The following CEP164 variants were observed in gnomAD, a reference collection of about 807,000 sequenced individuals.
CEP164 encodes the protein centrosomal protein 164, also known as centrosomal protein of 164 kDa.
CEP164 carries 162 observed loss-of-function variants against 182.7 expected under a neutral mutation model. The observed-to-expected ratio is 0.89, with a 90% CI of 0.78 to 1.01. The LOEUF (loss-of-function observed/expected upper bound fraction) is 1.01, where lower values mean the gene tolerates loss of function less well. Among genes scored for constraint, CEP164 ranks in the 50% least tolerant of loss-of-function variants. The pLI, the probability that CEP164 is intolerant of heterozygous loss-of-function variation, is 0.00. For missense variants in CEP164, 1,735 were observed against 1,790.4 expected, an observed-to-expected ratio of 0.97 and a Z score of 0.56; for synonymous variants, 661 against 690.0, an observed-to-expected ratio of 0.96 and a Z score of 0.66.
At chr11:117,373,090 C>T (rs1255932772) in intron 9 of CEP164, among the ~76,000 whole-genome samples, 2 of 152,100 alleles carry the variant, frequency 1.3e-5, no homozygotes, top group Non-Finnish European at 2.9e-5. Flanking sequence ...TTTTATCGGC[C>T]GGGCACGGTG....
At position 117,394,618 on chromosome 11, in the gene CEP164, T is replaced by C. The variant is rs2045190727; in HGVS notation, c.2760+125T>C. 16 of 1,295,402 alleles carry C rather than the reference T, an allele frequency of 1.2e-5. No homozygotes were observed. Among genetic ancestry groups the C allele is most frequent in the Non-Finnish European group, 1.7e-5 (16 of 949,520 alleles). The allele number at this position is 1,295,402 out of a possible 1,614,324, so 80.2% of individuals were successfully genotyped here. ...AGCTTCTGGAGTGAGAGTCTCTCACTGGCCATCTCCAAGCTGGGGCATCCT... is the reference window on the plus strand; with the variant it reads ...AGCTTCTGGAGTGAGAGTCTCTCACCGGCCATCTCCAAGCTGGGGCATCCT... On this transcript the variant is annotated intron_variant, in intron 21 of 32. Transcript: ENST00000278935. The surrounding 1 kb of genome is among the most constrained non-coding windows in gnomAD (Gnocchi z 4.0).
intron 8 of CEP164, among the ~76,000 whole-genome samples, chr11:117,370,043 A>T (rs148741144): frequency 2.2e-3 from 335 of 152,226 alleles, no homozygotes; most frequent in Non-Finnish European, 3.6e-3. Context: ...CAGATATGGG[A>T]CTCCTCTAAT....
intron 9 of CEP164, among the ~76,000 whole-genome samples, chr11:117,372,388 G>A (rs558680000): frequency 3.3e-5 from 5 of 151,602 alleles, no homozygotes; most frequent in South Asian, 4.2e-4. Context: ...TGGGATTATC[G>A]GCGTGAACCA....
At chr11:117,343,777 T>C (rs2038480179) in intron 3 of CEP164, among the ~76,000 whole-genome samples, 1 of 151,928 alleles carries the variant, frequency 6.6e-6, no homozygotes, top group African/African-American at 2.4e-5. Flanking sequence ...ATTACAGATG[T>C]GCGCCACCAC....
Position 117,396,485 on chromosome 11 carries a change from G to A in CEP164, c.3217-65G>A. The A allele has an allele frequency of 1.7e-5, 23 of 1,335,434 alleles. 1 individual carries two copies. The highest frequency in any genetic ancestry group is 1.6e-4 in the South Asian group (14 of 85,472). The allele number at this position is 1,335,434 out of a possible 1,614,324, so 82.7% of individuals were successfully genotyped here. A position where few individuals can be genotyped will look rare whatever the true frequency, so the allele number is the denominator to read the frequency against. On this transcript the variant is annotated intron_variant, in intron 25 of 32. Coordinates refer to ENST00000278935, the MANE Select transcript of CEP164 (RefSeq NM_014956.5). ...CTAGACCACTGGGAGGGGCTTTGGGGTCTTGAACCTGCAGGGTGTCTGCTT... is the reference window on the plus strand; with the variant it reads ...CTAGACCACTGGGAGGGGCTTTGGGATCTTGAACCTGCAGGGTGTCTGCTT...
upstream of CEP164, chr11:117,327,716 G>A (rs1185483505): frequency 6.6e-6 from 1 of 152,186 alleles, no homozygotes; most frequent in Non-Finnish European, 1.5e-5. Flanking sequence ...ATCGTGCAAC[G>A]GAAAACGGAC....
chr11:117,412,437 G>A lies in CEP164; in HGVS notation c.*269G>A. 1 of 337,808 alleles carries A rather than the reference G, an allele frequency of 3.0e-6. No homozygotes were observed. The highest frequency in any genetic ancestry group is 3.5e-5 in the South Asian group (1 of 28,192). 20.9% of individuals were successfully genotyped at this position (337,808 alleles called of 1,614,324 possible). ...CGTGCGGTGGCTGCGGGGTATCAGG[G>A]CCGGGAGCCCTTTGGGAGGAAGGGA... On this transcript the variant is annotated 3_prime_UTR_variant, in exon 33 of 33. Transcript: ENST00000278935.
rs535157773 is a variant in CEP164, at chr11:117,378,613, T to A, written c.1318-2001T>A. Reference sequence around the variant, plus strand: ...GAAATGGTATTTTAGGCCAGAGGCTTAGGATGTGCGATTGTCTCCCCTTTC... The same window carrying A: ...GAAATGGTATTTTAGGCCAGAGGCTAAGGATGTGCGATTGTCTCCCCTTTC... On this transcript the variant is annotated intron_variant, in intron 11 of 32. Transcript: ENST00000278935. Among the ~76,000 whole-genome samples the A allele has an allele frequency of 3.2e-4, 49 of 152,306 alleles. No homozygotes were observed. In the Middle Eastern group the frequency reaches 0.017, roughly 53 times the overall value.
intron 3 of CEP164, among the ~76,000 whole-genome samples, chr11:117,339,150 GA>G (rs2037677051): frequency 6.6e-6 from 1 of 152,140 alleles, no homozygotes; most frequent in Non-Finnish European, 1.5e-5. Flanking sequence ...ACCTTCATTG[GA>G]AAACAGCCAC....
rs994618781 is a variant in CEP164 at position 117,373,695 on chromosome 11, A to C, written c.1153-56A>C. 2.0e-6 allele frequency: 3 copies of C among 1,482,148 alleles called. No homozygotes were observed. In the Admixed American group the frequency reaches 5.0e-5, roughly 25 times the overall value. 91.8% of individuals were successfully genotyped at this position (1,482,148 alleles called of 1,614,324 possible). The stretch of plus-strand genomic sequence containing the variant: ...CCTGAACAGAATTCCCTGGGTAGGG[A>C]CCATGACTCTTTGTGCTCTGCTCTG... On this transcript the variant is annotated intron_variant, in intron 9 of 32. Coordinates refer to ENST00000278935, the MANE Select transcript of CEP164 (RefSeq NM_014956.5).
In CEP164 at chr11:117,344,234, C is replaced by T. The variant is rs767138852; in HGVS notation, c.151C>T (p.Arg51Ter). The part of the protein sequence containing the change: ...IKEPELMWLA[R>*]EGIVAPLPGE... ...GGAACCAGAACTGATGTGGCTGGCG[C>T]GAGAGGGCATCGTGGCCCCACTGCC... Residue 51 changes from arginine (R) to a stop codon, truncating the protein, a stop_gained, in exon 4 of 33, where the codon CGA becomes TGA. Coordinates refer to ENST00000278935, the MANE Select transcript of CEP164 (RefSeq NM_014956.5). LOFTEE classifies it high-confidence loss of function. 9.3e-6 allele frequency: 15 copies of T among 1,613,296 alleles called. No individual in the cohort carries two copies. Among genetic ancestry groups the T allele is most frequent in the East Asian group, 4.5e-5 (2 of 44,872 alleles).
At chr11:117,372,015 A>G (rs1220993262) in intron 9 of CEP164, among the ~76,000 whole-genome samples, 2 of 151,130 alleles carry the variant, frequency 1.3e-5, no homozygotes, top group African/African-American at 4.9e-5. Flanking sequence ...TAATTTTGGT[A>G]TTTTTTGTAG....
chr11:117,392,178 G>A, intron 17 of CEP164, 48 bp from the exon 18 acceptor site: 1 of 1,493,556 alleles, frequency 6.7e-7, no homozygotes, highest in Non-Finnish European at 9.0e-7. Flanking sequence ...CTCCCACCAT[G>A]ATCAGTACCT....
At position 117,393,135 on chromosome 11, in the gene CEP164, G is replaced by C; in HGVS notation, c.2616+9G>C. On this transcript the variant is annotated intron_variant, in intron 20 of 32. Coordinates refer to ENST00000278935, the MANE Select transcript of CEP164 (RefSeq NM_014956.5). ...AGCAGTATGAAGCTGAGGTAGCTCA[G>C]CCACATCCCCTGCGCGCATGCACAC... 1 of 1,611,440 alleles carries C rather than the reference G, an allele frequency of 6.2e-7. No homozygotes were observed. The highest frequency in any genetic ancestry group is 8.5e-7 in the Non-Finnish European group (1 of 1,178,858).
In CEP164 at chr11:117,383,973, T is replaced by G. The variant is rs916410935; in HGVS notation, c.1724+1031T>G. Among the ~76,000 whole-genome samples the G allele has an allele frequency of 3.9e-5, 6 of 151,998 alleles. No individual in the cohort carries two copies. The East Asian group carries it at 1.2e-3, about 29-fold the overall frequency. ...ATTGCTTGAACCTGGGAGGTGGAGG[T>G]TGCAGTGAGCCGAGATCGTGCCACT... On this transcript the variant is annotated intron_variant, in intron 14 of 32. Transcript: ENST00000278935.
Position 117,336,980 on chromosome 11 carries a change from G to A in CEP164, c.-22+1300G>A, listed in dbSNP as rs115303289. Among the ~76,000 whole-genome samples the A allele has an allele frequency of 7.8e-3, 1,189 of 152,094 alleles. 26 individuals are homozygous for A. The highest frequency in any genetic ancestry group is 0.026 in the African/African-American group (1,064 of 41,462). ...GTGGGAACTGGGGTCCTGAGGTAGGGGTGGGAAGAGAGGAGCAATTCTAGA... is the reference window on the plus strand; with the variant it reads ...GTGGGAACTGGGGTCCTGAGGTAGGAGTGGGAAGAGAGGAGCAATTCTAGA... On this transcript the variant is annotated intron_variant, in intron 2 of 32. Coordinates refer to ENST00000278935, the MANE Select transcript of CEP164 (RefSeq NM_014956.5).
intron 4 of CEP164, among the ~76,000 whole-genome samples, chr11:117,350,348 C>T (rs1420055533): frequency 2.0e-5 from 3 of 152,088 alleles, no homozygotes; most frequent in Non-Finnish European, 4.4e-5. Context: ...GGACTACAGA[C>T]GTGTGTCACT....
chr11:117,398,648 A>G (rs986349504), intron 27 of CEP164, among the ~76,000 whole-genome samples: 4 of 152,248 alleles, frequency 2.6e-5, no homozygotes, highest in Admixed American at 2.6e-4. Flanking sequence ...CCGCAGGCTC[A>G]ACACCACATG....
At position 117,395,703 on chromosome 11, in the gene CEP164, CAA is replaced by C; in HGVS notation, c.3071_3072del (p.Gln1024ProfsTer11). 1 of 1,611,666 alleles carries C rather than the reference CAA, an allele frequency of 6.2e-7. No homozygotes were observed. The highest frequency in any genetic ancestry group is 1.1e-5 in the South Asian group (1 of 90,776). On this transcript the variant is annotated frameshift_variant, in exon 24 of 33. Transcript: ENST00000278935. LOFTEE classifies it high-confidence loss of function. ...QVDLLQAQSQ[Q>X]LQKHFSSLEA... ...GGATCTGCTGCAGGCTCAGAGCCAG[CAA>C]CTGCAGAAACACTTCAGGTGGCGTG... is the stretch of plus-strand genomic sequence containing the variant.
Sources: allele counts gnomAD v4.1 joint callset (sites outside exome capture counted in the v4.1 genomes callset), GRCh38; gene constraint gnomAD v4.1.1; non-coding constraint Gnocchi (gnomAD v3.1); transcripts MANE v1.5; gene names NCBI Gene and HGNC (gene_info 2026-07-23, HGNC 2026-07-21).